Variants in MS4A14 observed in about 807,000 individuals in gnomAD.
The protein encoded by MS4A14 is membrane-spanning 4-domains subfamily A member 14.
In MS4A14, 18 loss-of-function variants were observed where a neutral mutation model predicts 16.7. The ratio of observed to expected loss-of-function variants is 1.08; its 90% CI spans 0.75 to 1.60. The LOEUF is 1.60. Among genes scored for constraint, MS4A14 ranks in the 40% most tolerant of loss-of-function variants. The pLI is 0.00. For synonymous variants in MS4A14, 305 were observed against 289.4 expected (o/e 1.05, Z -0.55); for missense variants, 812 against 775.3 (o/e 1.05, Z -0.56).
chr11:60,397,265 C>T (rs947793878), intron 1 of MS4A14, among the ~76,000 whole-genome samples: 11 of 152,220 alleles, frequency 7.2e-5, no homozygotes, highest in African/African-American at 2.6e-4. Context: ...CCTGCAGATT[C>T]CTACAAGCTG....
Position 60,396,707 on chromosome 11 carries a change from A to G in MS4A14, c.129A>G (p.Arg43=), listed in dbSNP as rs535603900. ...SLLDFLKGEP[R]VLGATQILLA... is the part of the protein sequence containing the mutation. ...TGGATTTTCTGAAGGGAGAGCCAAG[A>G]GTCTTGGGGGTAAGTCCTCTCCAGT... Residue 43 remains arginine, a synonymous_variant, in exon 1 of 5, where the codon AGA becomes AGG. Transcript: ENST00000300187. 1 of 1,613,736 alleles carries G rather than the reference A, an allele frequency of 6.2e-7. No homozygotes were observed. Among genetic ancestry groups the G allele is most frequent in the South Asian group, 1.1e-5 (1 of 90,950 alleles).
chr11:60,402,947 C>T lies in MS4A14; in HGVS notation c.354C>T (p.Ser118=). 6.2e-7 allele frequency: 1 copy of T among 1,613,822 alleles called. No homozygotes were observed. ...TCACGGGCATGAATGTTATCAGCTC[C>T]TTGGTTGCGATAACTGGGATTACTT... is the stretch of plus-strand genomic sequence containing the variant. ...QGVTGMNVIS[S]LVAITGITFT... is the part of the protein sequence containing the mutation. Residue 118 remains serine (S), a synonymous_variant, in exon 4 of 5, where the codon TCC becomes TCT. Coordinates refer to ENST00000300187, the MANE Select transcript of MS4A14 (RefSeq NM_032597.5).
Position 60,417,041 on chromosome 11 carries a change from C to A in MS4A14, c.*33C>A, listed in dbSNP as rs774028777. On this transcript the variant is annotated 3_prime_UTR_variant, in exon 5 of 5. Coordinates refer to ENST00000300187, the MANE Select transcript of MS4A14 (RefSeq NM_032597.5). ...CTGGAGAAACAAAGATTATAAAGCACGAGAATGGCAATTTGAAATGAAGCA... is the reference window on the plus strand; with the variant it reads ...CTGGAGAAACAAAGATTATAAAGCAAGAGAATGGCAATTTGAAATGAAGCA... The A allele has an allele frequency of 6.4e-7, 1 of 1,574,072 alleles. No individual in the cohort carries two copies. Among genetic ancestry groups the A allele is most frequent in the Admixed American group, 1.9e-5 (1 of 52,744 alleles).
chr11:60,410,127 G>A (rs929272104), intron 4 of MS4A14, among the ~76,000 whole-genome samples: 1 of 152,146 alleles, frequency 6.6e-6, no homozygotes, highest in African/African-American at 2.4e-5. Flanking sequence ...CCAAACTGCT[G>A]GGATTAAAGG....
chr11:60,401,323 C>A (rs1039793612), intron 3 of MS4A14, among the ~76,000 whole-genome samples: 1 of 152,170 alleles, frequency 6.6e-6, no homozygotes, highest in Admixed American at 6.5e-5. Context: ...TAGAGACATT[C>A]TGAGGGGAGG....
intron 4 of MS4A14, chr11:60,404,704 T>C (rs554259855): frequency 4.8e-6 from 2 of 418,262 alleles, no homozygotes; most frequent in South Asian, 3.5e-5. Flanking sequence ...TACTTAAATC[T>C]CAACTGAAAT....
At chr11:60,405,411 G>C (rs529606723) in intron 4 of MS4A14, among the ~76,000 whole-genome samples, 2 of 152,240 alleles carry the variant, frequency 1.3e-5, no homozygotes, top group African/African-American at 4.8e-5. Context: ...AGGTCTTTCT[G>C]TCTTCATAGT....
chr11:60,396,595 A>G lies in MS4A14; in HGVS notation c.17A>G (p.Gln6Arg). 1 of 1,613,886 alleles carries G rather than the reference A, an allele frequency of 6.2e-7. No homozygotes were observed. Among genetic ancestry groups the G allele is most frequent in the Non-Finnish European group, 8.5e-7 (1 of 1,179,864 alleles). The change falls in exon 1 of 5, where the codon CAG (glutamine) becomes CGG (arginine). Residue 6 changes from glutamine to arginine, a missense_variant. Transcript: ENST00000300187. ...CATAGAATCATGGAGTCAACATCCC[A>G]GGACAGAAGGGCAACTCACGTCATC... is the stretch of plus-strand genomic sequence containing the variant. MESTS[Q>R]DRRATHVITI...
intron 4 of MS4A14, 80 bp downstream of exon 4, chr11:60,403,141 T>C: frequency 6.9e-7 from 1 of 1,455,586 alleles, no homozygotes; most frequent in South Asian, 1.1e-5. Flanking sequence ...CACTGATTTT[T>C]ATTTTATTAA....
intron 1 of MS4A14, 133 bp downstream of exon 1, chr11:60,396,849 A>C: frequency 2.2e-6 from 2 of 916,230 alleles, no homozygotes; most frequent in Non-Finnish European, 3.2e-6. Flanking sequence ...TTCACCTTAC[A>C]TGAGAAATTA....
Position 60,397,960 on chromosome 11 carries a change from C to A in MS4A14, c.247C>A (p.Pro83Thr). Residue 83 changes from proline to threonine, a missense_variant, in exon 2 of 5, where the codon CCA becomes ACA. Pro to Thr is a conservative substitution (Grantham distance 38). Coordinates refer to ENST00000300187, the MANE Select transcript of MS4A14 (RefSeq NM_032597.5). ...RLPLVVLTGY[P>T]FWGALIFILT... is the part of the protein sequence containing the mutation. The stretch of plus-strand genomic sequence containing the variant: ...TCCCCTTGTTGTCCTCACAGGATAT[C>A]CATTCTGGGGAGCACTTATTGTGAG... 1.2e-6 allele frequency: 2 copies of A among 1,613,476 alleles called. No individual in the cohort carries two copies. The highest frequency in any genetic ancestry group is 1.7e-6 in the Non-Finnish European group (2 of 1,179,568).
Position 60,416,679 on chromosome 11 carries a change from G to A in MS4A14, c.1711G>A (p.Ala571Thr). Residue 571 changes from alanine (A) to threonine (T), a missense_variant, in exon 5 of 5, where the codon GCC becomes ACC. Ala to Thr is a moderately conservative substitution (Grantham distance 58). Coordinates refer to ENST00000300187, the MANE Select transcript of MS4A14 (RefSeq NM_032597.5). The stretch of plus-strand genomic sequence containing the variant: ...AGATCAGCAAGCTGAAGATCAGCAA[G>A]CCAAAGGGGAACAATACCCAGAAGG... ...LPDQQAEDQQ[A>T]KGEQYPEGQS... 6.2e-7 allele frequency: 1 copy of A among 1,613,856 alleles called. No individual in the cohort carries two copies. Among genetic ancestry groups the A allele is most frequent in the Non-Finnish European group, 8.5e-7 (1 of 1,179,976 alleles).
chr11:60,414,611 T>A (rs73481222), intron 4 of MS4A14, among the ~76,000 whole-genome samples: 1 of 152,110 alleles, frequency 6.6e-6, no homozygotes, highest in Admixed American at 6.6e-5. Context: ...GCAGGTTGTA[T>A]CAGATGTGGT....
At chr11:60,403,208 T>C in intron 4 of MS4A14, 147 bp downstream of exon 4, 1 of 830,714 alleles carries the variant, frequency 1.2e-6, no homozygotes. Flanking sequence ...GGGGTTACTG[T>C]TACAATGGTT....
At chr11:60,410,905 G>A (rs538608590) in intron 4 of MS4A14, among the ~76,000 whole-genome samples, 92 of 152,174 alleles carry the variant, frequency 6.0e-4, no homozygotes, top group African/African-American at 2.1e-3. Context: ...GAGTGCAGTG[G>A]TGAGATCTCA....
intron 1 of MS4A14, 145 bp downstream of exon 1, chr11:60,396,861 T>C: frequency 1.2e-6 from 1 of 827,438 alleles, no homozygotes. Context: ...GAGAAATTAG[T>C]ACTGATCTTT....
chr11:60,400,729 G>T (rs779359672), intron 3 of MS4A14, among the ~76,000 whole-genome samples: 9 of 152,036 alleles, frequency 5.9e-5, no homozygotes, highest in Non-Finnish European at 8.8e-5. Context: ...GTAATTCCCT[G>T]CCCTGCACCC....
At chr11:60,398,327 C>CT (rs1171090206) in intron 2 of MS4A14, among the ~76,000 whole-genome samples, 1 of 152,140 alleles carries the variant, frequency 6.6e-6, no homozygotes, top group Non-Finnish European at 1.5e-5. Flanking sequence ...CATATCTAGC[C>CT]TAGCTAGCAC....
At chr11:60,398,152 A>AG in intron 2 of MS4A14, 172 bp downstream of exon 2, 1 of 560,832 alleles carries the variant, frequency 1.8e-6, no homozygotes, top group Admixed American at 3.3e-5. Context: ...TACCATCATC[A>AG]TTGTAATAAC....
Sources: allele counts gnomAD v4.1 joint callset (sites outside exome capture counted in the v4.1 genomes callset), GRCh38; gene constraint gnomAD v4.1.1; transcripts MANE v1.5; gene names NCBI Gene and HGNC (gene_info 2026-07-23, HGNC 2026-07-21).